Variants in NOX4 observed in about 807,000 individuals in gnomAD.
NOX4 encodes the protein kidney oxidase-1.
A neutral mutation model predicts 87.6 loss-of-function variants in NOX4; 69 were observed. The ratio of observed to expected loss-of-function variants is 0.79; its 90% CI spans 0.65 to 0.96. The LOEUF is 0.96. NOX4 is among the 40% of genes least tolerant of loss of function. The pLI, the probability that NOX4 is intolerant of heterozygous loss-of-function variation, is 0.00. For missense variants in NOX4, 680 were observed against 681.5 expected, an observed-to-expected ratio of 1.00 and a Z score of 0.02; for synonymous variants, 275 against 238.2, an observed-to-expected ratio of 1.15 and a Z score of -1.42.
the NOX4 span, among the ~76,000 whole-genome samples, chr11:89,560,347 C>T: frequency 6.6e-6 from 1 of 152,118 alleles, no homozygotes; most frequent in Non-Finnish European, 1.5e-5. Flanking sequence ...GCCTTTGATT[C>T]TGGCACCTTT....
the NOX4 span, among the ~76,000 whole-genome samples, chr11:89,560,758 C>T: frequency 6.6e-6 from 1 of 151,510 alleles, no homozygotes; most frequent in Non-Finnish European, 1.5e-5. Context: ...ACTCTAAGCT[C>T]TCTGGCCTTT....
At chr11:89,532,947 A>G in the NOX4 span, among the ~76,000 whole-genome samples, 1 of 152,124 alleles carries the variant, frequency 6.6e-6, no homozygotes, top group Non-Finnish European at 1.5e-5. Flanking sequence ...AACTTCTGCC[A>G]TGATTTCAAG....
At chr11:89,573,593 C>A in the NOX4 span, among the ~76,000 whole-genome samples, 829 of 152,230 alleles carry the variant, frequency 5.4e-3, 5 homozygotes, top group African/African-American at 0.019. Flanking sequence ...CGAATCTGTA[C>A]GGGTCTGCAG....
intron 13 of NOX4, among the ~76,000 whole-genome samples, chr11:89,348,613 C>T (rs999362182): frequency 6.6e-6 from 1 of 152,020 alleles, no homozygotes; most frequent in African/African-American, 2.4e-5. Flanking sequence ...TGAGACCTTG[C>T]CTCAGAAGAC....
At chr11:89,502,054 T>C (rs1384154119), upstream of NOX4, among the ~76,000 whole-genome samples, 1 of 152,024 alleles carries the variant, frequency 6.6e-6, no homozygotes, top group Non-Finnish European at 1.5e-5. Flanking sequence ...GAGAAGACTA[T>C]ATTTCACTCC....
chr11:89,444,515 TAACA>T (rs1325377821), intron 4 of NOX4, among the ~76,000 whole-genome samples: 1 of 119,536 alleles, frequency 8.4e-6, no homozygotes, highest in African/African-American at 3.8e-5. Flanking sequence ...ATCCTCCCCC[TAACA>T]CACATACACA....
the NOX4 span, among the ~76,000 whole-genome samples, chr11:89,529,947 A>G: frequency 1.3e-5 from 2 of 152,162 alleles, no homozygotes; most frequent in Non-Finnish European, 2.9e-5. Flanking sequence ...CATAGATAAA[A>G]CAATTAGAAG....
At chr11:89,437,313 G>A in intron 6 of NOX4, among the ~76,000 whole-genome samples, 1 of 152,138 alleles carries the variant, frequency 6.6e-6, no homozygotes, top group East Asian at 1.9e-4. Context: ...ATTCAGAGAT[G>A]GCTGTGGAAT....
the NOX4 span, among the ~76,000 whole-genome samples, chr11:89,524,676 A>T: frequency 4.7e-3 from 706 of 151,528 alleles, 8 homozygotes; most frequent in African/African-American, 0.011. Context: ...TTTCTTTTTT[A>T]AAAAAAAAGT....
the NOX4 span, among the ~76,000 whole-genome samples, chr11:89,508,235 A>C: frequency 6.6e-6 from 1 of 152,034 alleles, no homozygotes; most frequent in Non-Finnish European, 1.5e-5. Context: ...CTCAAAAGTG[A>C]AGTTCCCAAA....
chr11:89,349,006 G>A (rs543684789), intron 13 of NOX4, among the ~76,000 whole-genome samples: 2 of 152,150 alleles, frequency 1.3e-5, no homozygotes, highest in East Asian at 3.9e-4. Context: ...AAAATAACTT[G>A]GGCCAGGTAC....
chr11:89,524,211 T>C, the NOX4 span, among the ~76,000 whole-genome samples: 1 of 152,176 alleles, frequency 6.6e-6, no homozygotes, highest in Non-Finnish European at 1.5e-5. Flanking sequence ...TAACCTTAAA[T>C]ACAATATAGA....
At chr11:89,438,354 T>G (rs1944192709) in intron 6 of NOX4, among the ~76,000 whole-genome samples, 1 of 113,136 alleles carries the variant, frequency 8.8e-6, no homozygotes, top group African/African-American at 3.5e-5. Context: ...CTATATATAC[T>G]ATATATTATA....
At chr11:89,577,203 T>C in the NOX4 span, 1 of 152,142 alleles carries the variant, frequency 6.6e-6, no homozygotes, top group Non-Finnish European at 1.5e-5. Flanking sequence ...CATAGAGAAT[T>C]ACCCAAATAT....
intron 14 of NOX4, among the ~76,000 whole-genome samples, chr11:89,340,741 C>T (rs1230071091): frequency 6.6e-6 from 1 of 152,144 alleles, no homozygotes; most frequent in Non-Finnish European, 1.5e-5. Context: ...AAGTCTGGAT[C>T]CCCATTTATA....
chr11:89,395,231 A>T (rs1240488885), intron 11 of NOX4, among the ~76,000 whole-genome samples: 1 of 152,048 alleles, frequency 6.6e-6, no homozygotes, highest in Non-Finnish European at 1.5e-5. Flanking sequence ...TGTGGTTTTG[A>T]TTTGCATTTC....
At chr11:89,391,681 A>G (rs1257098784) in intron 11 of NOX4, among the ~76,000 whole-genome samples, 2 of 147,518 alleles carry the variant, frequency 1.4e-5, no homozygotes, top group African/African-American at 5.0e-5. Context: ...TCCAAGTTGG[A>G]GTGAGCCATG....
intron 2 of NOX4, among the ~76,000 whole-genome samples, chr11:89,459,913 C>T (rs1321417744): frequency 6.6e-6 from 1 of 152,198 alleles, no homozygotes; most frequent in African/African-American, 2.4e-5. Flanking sequence ...TCAAACTATA[C>T]TACAAGGCTA....
chr11:89,328,145 G>A (rs781456213), intron 17 of NOX4, among the ~76,000 whole-genome samples: 1 of 152,172 alleles, frequency 6.6e-6, no homozygotes. Flanking sequence ...GAATATGGAA[G>A]GGAAGGGAGA....
Sources: gnomAD v4.1 joint callset for allele counts (sites outside exome capture counted in the v4.1 genomes callset) on GRCh38, gnomAD v4.1.1 for gene constraint, MANE v1.5 for transcripts, NCBI Gene and HGNC (gene_info 2026-07-23, HGNC 2026-07-21) for gene names.